LAIR1: variants seen among roughly 807,000 people sequenced by gnomAD.
LAIR1 encodes the protein leukocyte-associated immunoglobulin-like receptor 1.
LAIR1 carries 24 observed loss-of-function variants against 32.8 expected under a neutral mutation model. That is an observed-to-expected ratio of 0.73 (90% CI 0.53 to 1.03). The LOEUF is 1.03. Ranked by LOEUF, LAIR1 falls within the 50% of genes least tolerant of loss-of-function variation. The probability of loss-of-function intolerance (pLI) is 0.00; values close to 1 mark genes in which losing one functional copy is unlikely to be tolerated. For synonymous variants in LAIR1, 150 were observed against 140.5 expected (o/e 1.07, Z -0.48); for missense variants, 355 against 347.5 (o/e 1.02, Z -0.17).
In LAIR1 at chr19:54,355,403, T is replaced by A; in HGVS notation, c.729A>T (p.Ala243=). 2 of 1,606,530 alleles carry A rather than the reference T, an allele frequency of 1.2e-6. No homozygotes were observed. The highest frequency in any genetic ancestry group is 1.7e-6 in the Non-Finnish European group (2 of 1,176,146). ...DRETDTSALA[A]GSSQEVTYAQ... is the part of the protein sequence containing the mutation. ...CATACGTCACCTCCTGGGAACTCCC[T>A]GCAGCCAGGGCCTAAGAGGGAGAGA... The change falls in exon 10 of 10, where the codon GCA becomes GCT. Residue 243 remains alanine (A), a synonymous_variant. Transcript: ENST00000391742. The surrounding 1 kb of genome is among the most constrained non-coding windows in gnomAD (Gnocchi z 4.7).
chr19:54,370,243 T>G (rs77507448), intron 1 of LAIR1: 695,710 of 1,379,848 alleles, frequency 0.5, 158,175 homozygotes, highest in East Asian at 0.64. Context: ...CTGAGGGTGG[T>G]GTGGTAGCAG....
intron 2 of LAIR1, among the ~76,000 whole-genome samples, chr19:54,362,587 C>A (rs373520272): frequency 1.7e-4 from 26 of 152,294 alleles, no homozygotes; most frequent in East Asian, 5.8e-4. Context: ...AAGGTTCAAG[C>A]AATTCTCCTG....
At chr19:54,362,864 G>A (rs965411309) in intron 2 of LAIR1, among the ~76,000 whole-genome samples, 1 of 152,084 alleles carries the variant, frequency 6.6e-6, no homozygotes, top group African/African-American at 2.4e-5. Context: ...GCGGCATATG[G>A]AGTGTTTGAG....
At chr19:54,373,449 T>A (rs758198680), upstream of LAIR1, among the ~76,000 whole-genome samples, 1 of 151,748 alleles carries the variant, frequency 6.6e-6, no homozygotes, top group Non-Finnish European at 1.5e-5. Context: ...GTCTCAAAAA[T>A]AAATAAATAA....
upstream of LAIR1, among the ~76,000 whole-genome samples, chr19:54,374,976 A>G (rs2082475791): frequency 6.6e-6 from 1 of 151,908 alleles, no homozygotes; most frequent in African/African-American, 2.4e-5. Flanking sequence ...GACCCTCACC[A>G]TTACCGGAAA....
chr19:54,362,641 C>T (rs1375401833), intron 2 of LAIR1, among the ~76,000 whole-genome samples: 11 of 152,164 alleles, frequency 7.2e-5, no homozygotes, highest in African/African-American at 2.2e-4. Context: ...CACTCCACCA[C>T]GCCCAGCTAA....
rs754166751 is a variant in LAIR1, at chr19:54,355,463, C to A, written c.718-49G>T. On this transcript the variant is annotated intron_variant, in intron 9 of 9. Coordinates refer to ENST00000391742, the MANE Select transcript of LAIR1 (RefSeq NM_002287.6). The surrounding 1 kb of genome is among the most constrained non-coding windows in gnomAD (Gnocchi z 4.7). ...AGGGAGTGCCTGGTGGAGGGTGAGA[C>A]GAGGGGCTGTGGGGAGGGAGGGCTG... The A allele has an allele frequency of 2.0e-6, 3 of 1,512,252 alleles. No individual in the cohort carries two copies. Among genetic ancestry groups the A allele is most frequent in the South Asian group, 1.3e-5 (1 of 77,802 alleles). The allele number at this position is 1,512,252 out of a possible 1,614,324, so 93.7% of individuals were successfully genotyped here. A position where few individuals can be genotyped will look rare whatever the true frequency, so the allele number is the denominator to read the frequency against.
At chr19:54,356,027 T>A (rs952292180) in intron 8 of LAIR1, 21 bp from the exon 9 acceptor site, 2 of 1,596,818 alleles carry the variant, frequency 1.3e-6, no homozygotes, top group Non-Finnish European at 1.7e-6. Context: ...AAATACATGG[T>A]CAGTTTTCTG....
At chr19:54,372,724 G>A (rs556950262), upstream of LAIR1, among the ~76,000 whole-genome samples, 7 of 150,702 alleles carry the variant, frequency 4.6e-5, no homozygotes, top group Admixed American at 4.0e-4. Context: ...TCCTGACCTC[G>A]TGATCTGCCC....
rs1279619983 is a variant in LAIR1 at position 54,364,876 on chromosome 19, A to G, written c.-72T>C. 33 of 1,613,556 alleles carry G rather than the reference A, an allele frequency of 2.0e-5. No homozygotes were observed. Among genetic ancestry groups the G allele is most frequent in the Non-Finnish European group, 2.6e-5 (31 of 1,179,774 alleles). ...AGGACAGAACTCTGCAGCAGACACA[A>G]GCAGACAGGATGTGCTGCCCGGGGG... is the stretch of plus-strand genomic sequence containing the variant. On this transcript the variant is annotated 5_prime_UTR_variant, in exon 1 of 10. Transcript: ENST00000391742. The surrounding 1 kb of genome is among the most constrained non-coding windows in gnomAD (Gnocchi z 4.8).
chr19:54,368,426 C>G (rs2082321067), upstream of LAIR1: 1 of 152,212 alleles, frequency 6.6e-6, no homozygotes, highest in African/African-American at 2.4e-5. Context: ...TCTTCTTTTA[C>G]TGGCATAATG....
At chr19:54,366,848 T>C (rs1177643802), upstream of LAIR1, among the ~76,000 whole-genome samples, 2 of 152,162 alleles carry the variant, frequency 1.3e-5, no homozygotes, top group East Asian at 1.9e-4. Flanking sequence ...TGTACCAACC[T>C]AGGCTCAGAT....
intron 2 of LAIR1, among the ~76,000 whole-genome samples, chr19:54,361,750 C>T (rs1284570555): frequency 6.6e-6 from 1 of 150,940 alleles, no homozygotes; most frequent in Non-Finnish European, 1.5e-5. Flanking sequence ...CTGCTCACAG[C>T]AGATGCCCAG....
rs2081540657 is a variant in LAIR1, at chr19:54,351,928, T to G, written c.*3340A>C. On this transcript the variant is annotated 3_prime_UTR_variant, in exon 10 of 10. Transcript: ENST00000391742. The stretch of plus-strand genomic sequence containing the variant: ...CACCCTATAGTTTGTATAACAAACA[T>G]TCTCACTTGTTCATGCTGTATTCAA... 1 of 151,990 alleles carries G rather than the reference T, an allele frequency of 6.6e-6. No individual in the cohort carries two copies. The highest frequency in any genetic ancestry group is 1.5e-5 in the Non-Finnish European group (1 of 67,962). 9.4% of individuals were successfully genotyped at this position (151,990 alleles called of 1,614,324 possible).
intron 2 of LAIR1, among the ~76,000 whole-genome samples, chr19:54,362,795 A>G (rs1447638944): frequency 6.6e-6 from 1 of 152,184 alleles, no homozygotes; most frequent in African/African-American, 2.4e-5. Context: ...CTCATTGGTC[A>G]TTTTTAAAAT....
At chr19:54,365,767 A>T (rs1188010705), upstream of LAIR1, among the ~76,000 whole-genome samples, 2 of 151,156 alleles carry the variant, frequency 1.3e-5, no homozygotes, top group Non-Finnish European at 2.9e-5. Context: ...GGGCAACAAC[A>T]GCAAGACTCT....
upstream of LAIR1, among the ~76,000 whole-genome samples, chr19:54,367,049 G>A (rs918963665): frequency 1.3e-5 from 2 of 152,104 alleles, no homozygotes; most frequent in African/African-American, 4.8e-5. Flanking sequence ...GTCACGTGCT[G>A]TACCAAAACA....
intron 4 of LAIR1, chr19:54,358,463 A>T: frequency 8.5e-7 from 1 of 1,177,528 alleles, no homozygotes; most frequent in Middle Eastern, 2.5e-4. Context: ...GAAATTCTAC[A>T]TTGCAAATCA....
At chr19:54,363,463 T>A (rs1028571649) in intron 2 of LAIR1, among the ~76,000 whole-genome samples, 2 of 152,118 alleles carry the variant, frequency 1.3e-5, no homozygotes, top group African/African-American at 2.4e-5. Flanking sequence ...ATTCTCATTG[T>A]GGAAATCGGT....
Sources: allele counts gnomAD v4.1 joint callset (sites outside exome capture counted in the v4.1 genomes callset), GRCh38; gene constraint gnomAD v4.1.1; non-coding constraint Gnocchi (gnomAD v3.1); transcripts MANE v1.5; gene names NCBI Gene and HGNC (gene_info 2026-07-23, HGNC 2026-07-21).